Variants in PCBD2 observed in about 807,000 individuals in gnomAD.
The protein encoded by PCBD2 is pterin-4 alpha-carbinolamine dehydratase 2.
Under a neutral mutation model 16.4 loss-of-function variants are expected in PCBD2, and 12 were observed. The observed-to-expected ratio is 0.73, with a 90% CI of 0.47 to 1.19. The LOEUF is 1.19. PCBD2 is among the 50% of genes most tolerant of loss of function. The pLI is 0.00. For missense variants in PCBD2, 138 were observed against 156.8 expected (o/e 0.88, Z 0.64); for synonymous variants, 58 against 61.8 (o/e 0.94, Z 0.29).
intron 2 of PCBD2, among the ~76,000 whole-genome samples, chr5:134,950,254 G>C (rs996516624): frequency 6.6e-6 from 1 of 152,232 alleles, no homozygotes; most frequent in East Asian, 1.9e-4. Flanking sequence ...TGGAGTAGCT[G>C]GTGCTCATTT....
intron 2 of PCBD2, among the ~76,000 whole-genome samples, chr5:134,915,729 G>T (rs562713701): frequency 1.3e-5 from 2 of 152,070 alleles, no homozygotes; most frequent in African/African-American, 2.4e-5. Context: ...GGGGTTATAG[G>T]CATGAGCCGC....
chr5:134,939,679 C>G (rs1222876847), intron 2 of PCBD2, among the ~76,000 whole-genome samples: 1 of 152,168 alleles, frequency 6.6e-6, no homozygotes, highest in Non-Finnish European at 1.5e-5. Flanking sequence ...AATACTCTTT[C>G]TGGAAAGGCT....
rs952190716 is a variant in PCBD2, at chr5:134,960,950, A to G, written c.*269A>G. On this transcript the variant is annotated 3_prime_UTR_variant, in exon 4 of 4. Coordinates refer to ENST00000254908, the MANE Select transcript of PCBD2 (RefSeq NM_032151.5). ...CCTGGCTAATTTTTGTATTTTTAGT[A>G]TAGACAGGGTTTTACCACGTTGGTC... 1.0e-5 allele frequency: 3 copies of G among 294,988 alleles called. No individual in the cohort carries two copies. Among genetic ancestry groups the G allele is most frequent in the Non-Finnish European group, 1.9e-5 (3 of 154,514 alleles). The allele number at this position is 294,988 out of a possible 1,614,324, so 18.3% of individuals were successfully genotyped here. A position where few individuals can be genotyped will look rare whatever the true frequency, so the allele number is the denominator to read the frequency against.
intron 2 of PCBD2, among the ~76,000 whole-genome samples, chr5:134,936,888 T>G (rs903405750): frequency 6.6e-6 from 1 of 152,230 alleles, no homozygotes; most frequent in African/African-American, 2.4e-5. Flanking sequence ...AGTTAAATCC[T>G]AAAATGATCA....
chr5:134,959,703 AAAG>A (rs1751453636), intron 3 of PCBD2, among the ~76,000 whole-genome samples: 1 of 152,084 alleles, frequency 6.6e-6, no homozygotes, highest in South Asian at 2.1e-4. Flanking sequence ...ATCTTTGAAA[AAAG>A]AGAATTTCAC....
At chr5:134,929,346 C>CA (rs74273275) in intron 2 of PCBD2, among the ~76,000 whole-genome samples, 4,305 of 91,100 alleles carry the variant, frequency 0.047, 75 homozygotes, top group African/African-American at 0.093. Flanking sequence ...GACCTTGTCT[C>CA]AAAAAAAAAA....
intron 2 of PCBD2, among the ~76,000 whole-genome samples, chr5:134,958,754 G>GT (rs1751441215): frequency 6.6e-6 from 1 of 152,230 alleles, no homozygotes. Flanking sequence ...ATTTTGTAGA[G>GT]TCTTGTCCTG....
chr5:134,908,169 A>G (rs1580875558), intron 1 of PCBD2, among the ~76,000 whole-genome samples: 2 of 145,596 alleles, frequency 1.4e-5, no homozygotes, highest in African/African-American at 5.1e-5. Context: ...TGATCCTCCC[A>G]CCTCAGCTTC....
At chr5:134,925,952 G>T in intron 2 of PCBD2, 1 of 390,230 alleles carries the variant, frequency 2.6e-6, no homozygotes, top group South Asian at 1.3e-4. Context: ...AGGATTGCTT[G>T]AATAGCTGCT....
At chr5:134,943,648 A>T (rs1425427926) in intron 2 of PCBD2, among the ~76,000 whole-genome samples, 1 of 152,170 alleles carries the variant, frequency 6.6e-6, no homozygotes, top group African/African-American at 2.4e-5. Flanking sequence ...TCCTGTACAG[A>T]GACCCACAAG....
At chr5:134,954,994 G>A (rs1018551949) in intron 2 of PCBD2, among the ~76,000 whole-genome samples, 9 of 151,788 alleles carry the variant, frequency 5.9e-5, no homozygotes, top group Middle Eastern at 3.4e-3. Flanking sequence ...CGCCTGCCTC[G>A]GCTTCCCAAA....
In PCBD2 at chr5:134,941,118, G is replaced by GA. The variant is rs764468793; in HGVS notation, c.217-17900dup. Among the ~76,000 whole-genome samples, 403 of 80,084 alleles carry GA rather than the reference G, an allele frequency of 5.0e-3. 3 individuals carry two copies. Among genetic ancestry groups the GA allele is most frequent in the African/African-American group, 8.7e-3 (178 of 20,430 alleles). 52.5% of individuals were successfully genotyped at this position (80,084 alleles called of 152,430 possible). ...CAATAGAGCGAGAGTCCATCTCAAG[G>GA]AAAAAAAAAAAAAAAAAAAAAAGAA... On this transcript the variant is annotated intron_variant, in intron 2 of 3. Coordinates refer to ENST00000254908, the MANE Select transcript of PCBD2 (RefSeq NM_032151.5).
At chr5:134,923,756 G>A (rs577587948) in intron 2 of PCBD2, 69 of 391,998 alleles carry the variant, frequency 1.8e-4, no homozygotes, top group African/African-American at 1.1e-3. Context: ...GGCCTCGGCC[G>A]ATGTGTAGGA....
chr5:134,923,486 A>G (rs1301918714), intron 2 of PCBD2: 3 of 259,048 alleles, frequency 1.2e-5, no homozygotes, highest in African/African-American at 4.5e-5. Context: ...GGGCTGTGAT[A>G]ATGAAGGGCA....
chr5:134,937,253 A>G (rs1283753051), intron 2 of PCBD2, among the ~76,000 whole-genome samples: 10 of 152,236 alleles, frequency 6.6e-5, no homozygotes. Context: ...TATTATAATA[A>G]TATGGTTACT....
chr5:134,919,531 C>G (rs1750877008), intron 2 of PCBD2, among the ~76,000 whole-genome samples: 1 of 152,098 alleles, frequency 6.6e-6, no homozygotes, highest in Admixed American at 6.5e-5. Flanking sequence ...CTTAGTGTAG[C>G]TGTTAGGGTC....
chr5:134,935,423 CAT>C (rs1166833252), intron 2 of PCBD2, among the ~76,000 whole-genome samples: 1 of 152,186 alleles, frequency 6.6e-6, no homozygotes, highest in Non-Finnish European at 1.5e-5. Context: ...TCATCTCCCA[CAT>C]GTTACGATTT....
At chr5:134,910,787 T>C (rs59773283) in intron 2 of PCBD2, among the ~76,000 whole-genome samples, 1 of 152,146 alleles carries the variant, frequency 6.6e-6, no homozygotes, top group African/African-American at 2.4e-5. Flanking sequence ...TGTAAGCCTT[T>C]TATTATTGAT....
chr5:134,951,938 T>A (rs565663429), intron 2 of PCBD2, among the ~76,000 whole-genome samples: 17 of 152,092 alleles, frequency 1.1e-4, no homozygotes, highest in South Asian at 2.1e-4. Context: ...ACAGAAAAAA[T>A]TTTTTTTGCC....
Sources: allele counts gnomAD v4.1 joint callset (sites outside exome capture counted in the v4.1 genomes callset), GRCh38; gene constraint gnomAD v4.1.1; transcripts MANE v1.5; gene names NCBI Gene and HGNC (gene_info 2026-07-23, HGNC 2026-07-21).